The following ATXN10 variants were observed in gnomAD, a reference collection of about 807,000 sequenced individuals.
The protein encoded by ATXN10 is ataxin-10.
ATXN10 carries 28 observed loss-of-function variants against 52.9 expected under a neutral mutation model. That is an observed-to-expected ratio of 0.53 (90% CI 0.39 to 0.73). ATXN10 has a LOEUF of 0.73. Ranked by LOEUF, ATXN10 falls within the 30% of genes least tolerant of loss-of-function variation. The pLI is 0.00. For synonymous variants in ATXN10, 226 were observed against 221.5 expected (o/e 1.02, Z -0.18); for missense variants, 565 against 577.0 (o/e 0.98, Z 0.21).
Position 45,769,764 on chromosome 22 carries a change from C to T in ATXN10, c.1173+29226C>T, listed in dbSNP as rs1926712204. On this transcript the variant is annotated intron_variant, in intron 9 of 11. Transcript: ENST00000252934. The surrounding 1 kb of genome is among the most constrained non-coding windows in gnomAD (Gnocchi z 4.2). ...CTTCTCGAGTAGCCTGACAAGATGT[C>T]TGCCAGGTGCTCAGAAAATATCTGA... is the stretch of plus-strand genomic sequence containing the variant. Among the ~76,000 whole-genome samples, 1 of 152,262 alleles carries T rather than the reference C, an allele frequency of 6.6e-6. No individual in the cohort carries two copies. Among genetic ancestry groups the T allele is most frequent in the South Asian group, 2.1e-4 (1 of 4,814 alleles).
intron 9 of ATXN10, among the ~76,000 whole-genome samples, chr22:45,765,818 A>G (rs910019303): frequency 1.3e-5 from 2 of 152,196 alleles, no homozygotes; most frequent in African/African-American, 4.8e-5. Context: ...TTCTCCTTAC[A>G]TTAATTTACA....
intron 9 of ATXN10, among the ~76,000 whole-genome samples, chr22:45,767,302 TGTA>T (rs1926616348): frequency 6.6e-6 from 1 of 152,312 alleles, no homozygotes; most frequent in Admixed American, 6.5e-5. Context: ...ATCTGAGTGA[TGTA>T]TTATTATGTG....
rs1246299836 is a variant in ATXN10 at position 45,840,149 on chromosome 22, G to A, written c.1238-2842G>A. Among the ~76,000 whole-genome samples, 3 of 152,216 alleles carry A rather than the reference G, an allele frequency of 2.0e-5. No individual in the cohort carries two copies. ...CCAGCTATTCGGGAGGCTGAGGCAAGAGGATCACTTGAGCCTAGGCTTTCA... is the reference window on the plus strand; with the variant it reads ...CCAGCTATTCGGGAGGCTGAGGCAAAAGGATCACTTGAGCCTAGGCTTTCA... On this transcript the variant is annotated intron_variant, in intron 10 of 11. Transcript: ENST00000252934. The surrounding 1 kb of genome is among the most constrained non-coding windows in gnomAD (Gnocchi z 5.8).
chr22:45,817,513 C>T (rs759790817), intron 10 of ATXN10, among the ~76,000 whole-genome samples: 2 of 151,938 alleles, frequency 1.3e-5, no homozygotes, highest in Admixed American at 6.5e-5. Flanking sequence ...TCAGTAGAGA[C>T]GGGGTTTCAC....
chr22:45,840,199 T>C lies in ATXN10; in HGVS notation c.1238-2792T>C, dbSNP rs1021078299. Among the ~76,000 whole-genome samples the C allele has an allele frequency of 1.3e-5, 2 of 152,164 alleles. No homozygotes were observed. Among genetic ancestry groups the C allele is most frequent in the Non-Finnish European group, 2.9e-5 (2 of 68,036 alleles). On this transcript the variant is annotated intron_variant, in intron 10 of 11. Coordinates refer to ENST00000252934, the MANE Select transcript of ATXN10 (RefSeq NM_013236.4). This position sits in a 1 kb window ranked among gnomAD's most constrained non-coding sequence, Gnocchi z 5.8. ...AAGACACAATTTCAATAAATATGTA[T>C]TGAACATCCACTTTGTGCTGGGAAC...
rs1187982468 is a variant in ATXN10, at chr22:45,712,063, CAAA to C, written c.648-6349_648-6347del. Among the ~76,000 whole-genome samples, 5 of 152,126 alleles carry C rather than the reference CAAA, an allele frequency of 3.3e-5. No homozygotes were observed. Among genetic ancestry groups the C allele is most frequent in the Non-Finnish European group, 7.4e-5 (5 of 68,026 alleles). ...TATTGAGAAGTTTGGGAATTAGAAACAAAGAGGTAATAACCAGATGGATGTTTT... is the reference window on the plus strand; with the variant it reads ...TATTGAGAAGTTTGGGAATTAGAAACGAGGTAATAACCAGATGGATGTTTT... On this transcript the variant is annotated intron_variant, in intron 5 of 11. Transcript: ENST00000252934. This position sits in a 1 kb window ranked among gnomAD's most constrained non-coding sequence, Gnocchi z 4.6.
intron 10 of ATXN10, among the ~76,000 whole-genome samples, chr22:45,812,187 C>T (rs1475009213): frequency 1.3e-5 from 2 of 152,158 alleles, no homozygotes; most frequent in Non-Finnish European, 2.9e-5. Context: ...CCACCCGCTC[C>T]GATCCCTGCC....
intron 9 of ATXN10, among the ~76,000 whole-genome samples, chr22:45,792,258 A>G (rs144147488): frequency 6.6e-6 from 1 of 152,348 alleles, no homozygotes; most frequent in East Asian, 1.9e-4. Flanking sequence ...AGTACCTAAA[A>G]TATAATTATA....
At position 45,774,151 on chromosome 22, in the gene ATXN10, G is replaced by A. The variant is rs1779094325; in HGVS notation, c.1174-32808G>A. Among the ~76,000 whole-genome samples, 1 of 152,258 alleles carries A rather than the reference G, an allele frequency of 6.6e-6. No homozygotes were observed. The highest frequency in any genetic ancestry group is 2.4e-5 in the African/African-American group (1 of 41,470). ...TGGCACTCTGGGAAGTACTGTGACAGCCTGCTAATGTCTGGGGGTGGCCCT... is the reference window on the plus strand; with the variant it reads ...TGGCACTCTGGGAAGTACTGTGACAACCTGCTAATGTCTGGGGGTGGCCCT... On this transcript the variant is annotated intron_variant, in intron 9 of 11. Transcript: ENST00000252934. The surrounding 1 kb of genome is among the most constrained non-coding windows in gnomAD (Gnocchi z 6.2).
At chr22:45,811,671 C>G in intron 10 of ATXN10, 4 of 468,168 alleles carry the variant, frequency 8.5e-6, no homozygotes, top group South Asian at 6.2e-5. Context: ...GATGTTCACA[C>G]AATGATGATA....
intron 10 of ATXN10, among the ~76,000 whole-genome samples, chr22:45,832,370 C>T (rs935471065): frequency 6.6e-6 from 1 of 152,242 alleles, no homozygotes; most frequent in East Asian, 1.9e-4. Context: ...CTCCCATCTG[C>T]ACCCTCCTCC....
At chr22:45,838,407 C>G (rs1401922994) in intron 10 of ATXN10, among the ~76,000 whole-genome samples, 3 of 152,184 alleles carry the variant, frequency 2.0e-5, no homozygotes, top group Admixed American at 6.6e-5. Flanking sequence ...TATCAAGTCC[C>G]GCTCTAGTGC....
intron 6 of ATXN10, among the ~76,000 whole-genome samples, chr22:45,720,035 ATAT>A (rs1924589793): frequency 6.6e-6 from 1 of 152,210 alleles, no homozygotes; most frequent in Non-Finnish European, 1.5e-5. Context: ...GAATGAATGA[ATAT>A]TCTTACTCAA....
chr22:45,752,571 C>G (rs1488179122), intron 9 of ATXN10, among the ~76,000 whole-genome samples: 1 of 60,824 alleles, frequency 1.6e-5, no homozygotes, highest in Non-Finnish European at 3.2e-5. Flanking sequence ...GGGGTTGGGG[C>G]TGGGGCTGGG....
intron 10 of ATXN10, among the ~76,000 whole-genome samples, chr22:45,808,487 C>T (rs1976240727): frequency 6.6e-6 from 1 of 152,212 alleles, no homozygotes. Flanking sequence ...GCACCTTCCA[C>T]CTTGGTGTCC....
intron 10 of ATXN10, among the ~76,000 whole-genome samples, chr22:45,808,976 A>G (rs940965429): frequency 6.6e-6 from 1 of 152,218 alleles, no homozygotes; most frequent in Non-Finnish European, 1.5e-5. Flanking sequence ...TGTATTCAGT[A>G]ATTCTTTGGA....
chr22:45,737,139 T>G (rs1345019879), intron 7 of ATXN10, among the ~76,000 whole-genome samples: 1 of 152,236 alleles, frequency 6.6e-6, no homozygotes, highest in Non-Finnish European at 1.5e-5. Flanking sequence ...GTAAAACCGC[T>G]TGATTTGTTT....
chr22:45,716,390 C>T (rs373422400), intron 5 of ATXN10, among the ~76,000 whole-genome samples: 1 of 146,992 alleles, frequency 6.8e-6, no homozygotes, highest in African/African-American at 2.5e-5. Context: ...GCATGGAGTG[C>T]AGTGGCATGA....
rs369667821 is a variant in ATXN10, at chr22:45,690,145, G to A, written c.308+242G>A. Among the ~76,000 whole-genome samples, 256 of 152,192 alleles carry A rather than the reference G, an allele frequency of 1.7e-3. No homozygotes were observed. Among genetic ancestry groups the A allele is most frequent in the African/African-American group, 5.8e-3 (240 of 41,506 alleles). Reference sequence around the variant, plus strand: ...CAAAAAATTAGCTGGACATGGTGGCGCACACCTGTAGTCCCAACTGCTCAG... The same window carrying A: ...CAAAAAATTAGCTGGACATGGTGGCACACACCTGTAGTCCCAACTGCTCAG... On this transcript the variant is annotated intron_variant, in intron 2 of 11. Coordinates refer to ENST00000252934, the MANE Select transcript of ATXN10 (RefSeq NM_013236.4). The surrounding 1 kb of genome is among the most constrained non-coding windows in gnomAD (Gnocchi z 4.5).
Sources: allele counts gnomAD v4.1 joint callset (sites outside exome capture counted in the v4.1 genomes callset), GRCh38; gene constraint gnomAD v4.1.1; non-coding constraint Gnocchi (gnomAD v3.1); transcripts MANE v1.5; gene names NCBI Gene and HGNC (gene_info 2026-07-23, HGNC 2026-07-21).